Variants in ZC2HC1B observed in about 807,000 individuals in gnomAD.
ZC2HC1B encodes zinc finger C2HC domain-containing protein 1B.
ZC2HC1B carries 36 observed loss-of-function variants against 31.0 expected under a neutral mutation model. That is an observed-to-expected ratio of 1.16 (90% CI 0.89 to 1.54). The LOEUF (loss-of-function observed/expected upper bound fraction) is 1.54, where lower values mean the gene tolerates loss of function less well. ZC2HC1B is among the 40% of genes most tolerant of loss of function. ZC2HC1B has a pLI of 0.00. For synonymous variants in ZC2HC1B, 73 were observed against 88.0 expected (o/e 0.83, Z 0.95); for missense variants, 260 against 268.6 (o/e 0.97, Z 0.22).
intron 1 of ZC2HC1B, among the ~76,000 whole-genome samples, chr6:143,866,381 T>C (rs1012375546): frequency 9.9e-5 from 15 of 152,252 alleles, no homozygotes; most frequent in Non-Finnish European, 2.1e-4. Flanking sequence ...TGTAGAGTTA[T>C]CAATTTGCCC....
At chr6:143,931,974 C>T (rs948577470) in intron 6 of ZC2HC1B, among the ~76,000 whole-genome samples, 1 of 151,626 alleles carries the variant, frequency 6.6e-6, no homozygotes, top group Non-Finnish European at 1.5e-5. Flanking sequence ...AAGCGATTCT[C>T]CTGCTTCAGC....
intron 4 of ZC2HC1B, among the ~76,000 whole-genome samples, chr6:143,894,625 A>G (rs1777640929): frequency 6.6e-6 from 1 of 152,256 alleles, no homozygotes; most frequent in African/African-American, 2.4e-5. Flanking sequence ...TAATGAAAAT[A>G]TATCTTGAAA....
chr6:143,871,805 G>T lies in ZC2HC1B; in HGVS notation c.28+7238G>T, dbSNP rs2128493142. On this transcript the variant is annotated intron_variant, in intron 1 of 7. Coordinates refer to ENST00000237275, the MANE Select transcript of ZC2HC1B (RefSeq NM_001013623.3). This position sits in a 1 kb window ranked among gnomAD's most constrained non-coding sequence, Gnocchi z 4.1. ...TAATAATCCTCACCCGACCAATCAG[G>T]GAGCCAATGTGGGGGTTCTGCCAGC... is the stretch of plus-strand genomic sequence containing the variant. Among the ~76,000 whole-genome samples, 1 of 152,238 alleles carries T rather than the reference G, an allele frequency of 6.6e-6. No individual in the cohort carries two copies. Among genetic ancestry groups the T allele is most frequent in the East Asian group, 1.9e-4 (1 of 5,178 alleles).
At chr6:143,916,710 C>T (rs908906806) in intron 6 of ZC2HC1B, among the ~76,000 whole-genome samples, 1 of 152,210 alleles carries the variant, frequency 6.6e-6, no homozygotes, top group Non-Finnish European at 1.5e-5. Flanking sequence ...TTTGACTGCC[C>T]CACTGGGTTT....
chr6:143,915,964 A>G lies in ZC2HC1B; in HGVS notation c.598+12812A>G, dbSNP rs1287992128. The stretch of plus-strand genomic sequence containing the variant: ...ATTCAAACTGGCTGCAGAAATTTGT[A>G]TAGGTAATGAGGAGCTGAATGTTAG... On this transcript the variant is annotated intron_variant, in intron 6 of 7. Coordinates refer to ENST00000237275, the MANE Select transcript of ZC2HC1B (RefSeq NM_001013623.3). This position sits in a 1 kb window ranked among gnomAD's most constrained non-coding sequence, Gnocchi z 5.2. Among the ~76,000 whole-genome samples, 1 of 152,228 alleles carries G rather than the reference A, an allele frequency of 6.6e-6. No individual in the cohort carries two copies. The highest frequency in any genetic ancestry group is 1.5e-5 in the Non-Finnish European group (1 of 68,044).
At position 143,884,277 on chromosome 6, in the gene ZC2HC1B, C is replaced by T; in HGVS notation, c.29-27C>T. The T allele has an allele frequency of 6.6e-7, 1 of 1,515,602 alleles. No individual in the cohort carries two copies. The highest frequency in any genetic ancestry group is 1.2e-5 in the South Asian group (1 of 80,530). 93.9% of individuals were successfully genotyped at this position (1,515,602 alleles called of 1,614,324 possible). The stretch of plus-strand genomic sequence containing the variant: ...CAGCGAGGAAATTCCATGAAACTAA[C>T]ATAATGTGCTCTTGAATTTTACACA... On this transcript the variant is annotated intron_variant, in intron 1 of 7. Transcript: ENST00000237275. The surrounding 1 kb of genome is among the most constrained non-coding windows in gnomAD (Gnocchi z 5.1).
chr6:143,903,691 G>T lies in ZC2HC1B; in HGVS notation c.598+539G>T, dbSNP rs1303736030. On this transcript the variant is annotated intron_variant, in intron 6 of 7. Coordinates refer to ENST00000237275, the MANE Select transcript of ZC2HC1B (RefSeq NM_001013623.3). This position sits in a 1 kb window ranked among gnomAD's most constrained non-coding sequence, Gnocchi z 4.3. Reference sequence around the variant, plus strand: ...GGTATCCACAGGGGATTGGTCCCAGGGCCCTAGTGGGTACCAAAACCTGAG... The same window carrying T: ...GGTATCCACAGGGGATTGGTCCCAGTGCCCTAGTGGGTACCAAAACCTGAG... 6.6e-6 allele frequency among the ~76,000 whole-genome samples: 1 copy of T among 152,066 alleles called. No homozygotes were observed. The highest frequency in any genetic ancestry group is 1.5e-5 in the Non-Finnish European group (1 of 68,006).
Position 143,875,849 on chromosome 6 carries a change from G to A in ZC2HC1B, c.29-8455G>A, listed in dbSNP as rs540708495. On this transcript the variant is annotated intron_variant, in intron 1 of 7. Coordinates refer to ENST00000237275, the MANE Select transcript of ZC2HC1B (RefSeq NM_001013623.3). ...AGGGTTTATCTCCTCAGACAAAGGT[G>A]GAAAGGCTGACAGCAGCACGGGTCG... Among the ~76,000 whole-genome samples the A allele has an allele frequency of 2.7e-5, 4 of 150,716 alleles. No homozygotes were observed. The South Asian group carries it at 8.6e-4, about 33-fold the overall frequency.
chr6:143,883,250 G>C lies in ZC2HC1B; in HGVS notation c.29-1054G>C, dbSNP rs2128493865. ...GACACAATCTCCCTATGTTGCCCAA[G>C]CTGGTCTCGAATCCTTAGGCTCAAG... On this transcript the variant is annotated intron_variant, in intron 1 of 7. Transcript: ENST00000237275. This position sits in a 1 kb window ranked among gnomAD's most constrained non-coding sequence, Gnocchi z 4.1. Among the ~76,000 whole-genome samples, 1 of 152,186 alleles carries C rather than the reference G, an allele frequency of 6.6e-6. No individual in the cohort carries two copies. Among genetic ancestry groups the C allele is most frequent in the East Asian group, 1.9e-4 (1 of 5,176 alleles).
chr6:143,928,027 C>T lies in ZC2HC1B; in HGVS notation c.599-9622C>T, dbSNP rs527871631. On this transcript the variant is annotated intron_variant, in intron 6 of 7. Coordinates refer to ENST00000237275, the MANE Select transcript of ZC2HC1B (RefSeq NM_001013623.3). Reference sequence around the variant, plus strand: ...TTCCTTGTAGATTCCAGATATTAGTCCCTTGTCAGATGCACAGTTTGCAAA... The same window carrying T: ...TTCCTTGTAGATTCCAGATATTAGTTCCTTGTCAGATGCACAGTTTGCAAA... Among the ~76,000 whole-genome samples, 12 of 152,228 alleles carry T rather than the reference C, an allele frequency of 7.9e-5. 1 individual carries two copies. In the South Asian group the frequency reaches 2.5e-3, roughly 32 times the overall value.
chr6:143,922,814 G>A lies in ZC2HC1B; in HGVS notation c.599-14835G>A, dbSNP rs565349880. ...TTGTGAATAGTCCTGCCATAAACAA[G>A]AGGATATGGGTATCCCTTTGATATA... On this transcript the variant is annotated intron_variant, in intron 6 of 7. Coordinates refer to ENST00000237275, the MANE Select transcript of ZC2HC1B (RefSeq NM_001013623.3). This position sits in a 1 kb window ranked among gnomAD's most constrained non-coding sequence, Gnocchi z 5.0. Among the ~76,000 whole-genome samples the A allele has an allele frequency of 2.0e-5, 3 of 152,206 alleles. No homozygotes were observed. The South Asian group carries it at 6.2e-4, about 32-fold the overall frequency.
At chr6:143,936,942 C>A (rs1427076697) in intron 6 of ZC2HC1B, among the ~76,000 whole-genome samples, 1 of 152,176 alleles carries the variant, frequency 6.6e-6, no homozygotes, top group East Asian at 1.9e-4. Context: ...ATTCCTATGT[C>A]CTTTGAGAGT....
At position 143,930,768 on chromosome 6, in the gene ZC2HC1B, C is replaced by T. The variant is rs552473632; in HGVS notation, c.599-6881C>T. On this transcript the variant is annotated intron_variant, in intron 6 of 7. Coordinates refer to ENST00000237275, the MANE Select transcript of ZC2HC1B (RefSeq NM_001013623.3). Reference sequence around the variant, plus strand: ...ATATGATTTCAATTTCTAAAATGTACTGAGGCTTATTTTGTTGCATAACAT... The same window carrying T: ...ATATGATTTCAATTTCTAAAATGTATTGAGGCTTATTTTGTTGCATAACAT... Among the ~76,000 whole-genome samples the T allele has an allele frequency of 4.6e-5, 7 of 152,284 alleles. No individual in the cohort carries two copies. The South Asian group carries it at 1.4e-3, about 32-fold the overall frequency.
rs1264458246 is a variant in ZC2HC1B, at chr6:143,908,536, C to A, written c.598+5384C>A. Among the ~76,000 whole-genome samples, 1 of 152,114 alleles carries A rather than the reference C, an allele frequency of 6.6e-6. No homozygotes were observed. Among genetic ancestry groups the A allele is most frequent in the Non-Finnish European group, 1.5e-5 (1 of 68,026 alleles). ...CCTGGGCATTTTATTCTTTCTGTGA[C>A]AATTGTGAATGGAGGTTCACTCATG... On this transcript the variant is annotated intron_variant, in intron 6 of 7. Transcript: ENST00000237275. The surrounding 1 kb of genome is among the most constrained non-coding windows in gnomAD (Gnocchi z 4.4).
chr6:143,935,689 C>G (rs1317449391), intron 6 of ZC2HC1B, among the ~76,000 whole-genome samples: 1 of 103,004 alleles, frequency 9.7e-6, no homozygotes, highest in Non-Finnish European at 1.7e-5. Flanking sequence ...CAGGATCTCT[C>G]TGTCGCCCAG....
rs1473761501 is a variant in ZC2HC1B at position 143,886,573 on chromosome 6, C to A, written c.211-110C>A. On this transcript the variant is annotated intron_variant, in intron 3 of 7. Coordinates refer to ENST00000237275, the MANE Select transcript of ZC2HC1B (RefSeq NM_001013623.3). The surrounding 1 kb of genome is among the most constrained non-coding windows in gnomAD (Gnocchi z 4.2). ...TTTTGAAAAACAAACTCTCCTTTTC[C>A]CCAATTTTCACAGTTCTGTTTCCTG... 26 of 1,135,440 alleles carry A rather than the reference C, an allele frequency of 2.3e-5. No homozygotes were observed. The highest frequency in any genetic ancestry group is 2.9e-5 in the Non-Finnish European group (25 of 868,046). 70.3% of individuals were successfully genotyped at this position (1,135,440 alleles called of 1,614,324 possible).
At chr6:143,879,824 AT>A (rs557859315) in intron 1 of ZC2HC1B, among the ~76,000 whole-genome samples, 6,799 of 53,598 alleles carry the variant, frequency 0.13, 47 homozygotes, top group East Asian at 0.26. Context: ...GTTGTCCCTG[AT>A]TTTTTTTTTT....
At chr6:143,930,381 C>CTTTTTT (rs34308015) in intron 6 of ZC2HC1B, among the ~76,000 whole-genome samples, 5 of 111,772 alleles carry the variant, frequency 4.5e-5, no homozygotes, top group Non-Finnish European at 7.0e-5. Context: ...TTGAGAGTTT[C>CTTTTTT]TTTTTTTTTT....
At chr6:143,880,283 G>C (rs1418705976) in intron 1 of ZC2HC1B, among the ~76,000 whole-genome samples, 1 of 152,124 alleles carries the variant, frequency 6.6e-6, no homozygotes, top group Admixed American at 6.5e-5. Context: ...AGAGGAAAAA[G>C]AAATCTCTGA....
Sources: allele counts gnomAD v4.1 joint callset (sites outside exome capture counted in the v4.1 genomes callset), GRCh38; gene constraint gnomAD v4.1.1; non-coding constraint Gnocchi (gnomAD v3.1); transcripts MANE v1.5; gene names NCBI Gene and HGNC (gene_info 2026-07-23, HGNC 2026-07-21).